CRTAM: variants seen among roughly 807,000 people sequenced by gnomAD.
The protein encoded by CRTAM is cytotoxic and regulatory T cell molecule, also known as cytotoxic and regulatory T-cell molecule.
In CRTAM, 44 loss-of-function variants were observed where a neutral mutation model predicts 50.0. That is an observed-to-expected ratio of 0.88 (90% CI 0.69 to 1.13). CRTAM has a LOEUF of 1.13. Ranked by LOEUF, CRTAM falls within the 50% of genes most tolerant of loss-of-function variation. The pLI, the probability that CRTAM is intolerant of heterozygous loss-of-function variation, is 0.00. For missense variants in CRTAM, 448 were observed against 457.5 expected, an observed-to-expected ratio of 0.98 and a Z score of 0.19; for synonymous variants, 159 against 169.3, an observed-to-expected ratio of 0.94 and a Z score of 0.47.
In CRTAM at chr11:122,851,716, C is replaced by A; in HGVS notation, c.217C>A (p.Leu73Ile). 1 of 1,614,134 alleles carries A rather than the reference C, an allele frequency of 6.2e-7. No individual in the cohort carries two copies. The highest frequency in any genetic ancestry group is 8.5e-7 in the Non-Finnish European group (1 of 1,179,988). Residue 73 changes from leucine (L) to isoleucine (I), a missense_variant, in exon 3 of 10, where the codon CTT becomes ATT. Physicochemically the swap from Leu to Ile is conservative, Grantham distance 5. Coordinates refer to ENST00000227348, the MANE Select transcript of CRTAM (RefSeq NM_019604.4). The part of the protein sequence containing the change: ...YPALKNSKYQ[L>I]LHHSANQLSI... ...AGCTTTAAAAAATTCCAAATACCAG[C>A]TTCTTCATCACTCGGCCAATCAGCT...
intron 3 of CRTAM, among the ~76,000 whole-genome samples, chr11:122,853,731 T>C (rs1388272216): frequency 6.6e-6 from 1 of 151,604 alleles, no homozygotes; most frequent in East Asian, 2.0e-4. Flanking sequence ...GGCAGGAGAA[T>C]TGCGTGAACC....
intron 5 of CRTAM, among the ~76,000 whole-genome samples, chr11:122,861,633 G>A (rs941265379): frequency 3.3e-5 from 5 of 151,212 alleles, no homozygotes; most frequent in African/African-American, 4.9e-5. Flanking sequence ...TAGAGATGGG[G>A]TTTCACCATG....
In CRTAM at chr11:122,850,136, G is replaced by A. The variant is rs2135235621; in HGVS notation, c.115G>A (p.Val39Ile). Residue 39 changes from valine to isoleucine, a missense_variant, in exon 2 of 10, where the codon GTC (valine) becomes ATC (isoleucine). Transcript: ENST00000227348. ...AGGCCAGACGCTCACTCTAAAGTGT[G>A]TCACTTCTCTGAGGAAGAACTCCTC... ...EEGQTLTLKC[V>I]TSLRKNSSLQ... 3 of 1,613,594 alleles carry A rather than the reference G, an allele frequency of 1.9e-6. No individual in the cohort carries two copies. The highest frequency in any genetic ancestry group is 2.5e-6 in the Non-Finnish European group (3 of 1,179,654).
intron 5 of CRTAM, among the ~76,000 whole-genome samples, chr11:122,861,824 A>C (rs569814510): frequency 2.6e-5 from 4 of 152,204 alleles, no homozygotes; most frequent in South Asian, 4.1e-4. Context: ...CTGTTCAATG[A>C]CTGGTAAAAC....
Position 122,857,895 on chromosome 11 carries a change from GCTAT to G in CRTAM, c.652+2042_652+2045del, listed in dbSNP as rs1283757301. The stretch of plus-strand genomic sequence containing the variant: ...GCAACAGGAATTGATTTTTGAATAG[GCTAT>G]CTTTGTTTTTATGTTTTGTTTTGTT... On this transcript the variant is annotated intron_variant, in intron 5 of 9. Coordinates refer to ENST00000227348, the MANE Select transcript of CRTAM (RefSeq NM_019604.4). Among the ~76,000 whole-genome samples, 11 of 152,150 alleles carry G rather than the reference GCTAT, an allele frequency of 7.2e-5. No homozygotes were observed. In the South Asian group the frequency reaches 1.7e-3, roughly 23 times the overall value.
At chr11:122,851,347 C>T (rs1861926500) in intron 2 of CRTAM, among the ~76,000 whole-genome samples, 1 of 151,618 alleles carries the variant, frequency 6.6e-6, no homozygotes, top group Non-Finnish European at 1.5e-5. Flanking sequence ...TTATTTCAAG[C>T]TAAATCAACT....
chr11:122,851,637 G>T, intron 2 of CRTAM, 56 bp from the exon 3 acceptor site: 10 of 1,556,634 alleles, frequency 6.4e-6, no homozygotes, highest in Non-Finnish European at 8.8e-6. Context: ...CTGGGTAGAG[G>T]CCAACGATTC....
At chr11:122,851,989 A>C in intron 3 of CRTAM, 144 bp downstream of exon 3, 1 of 695,920 alleles carries the variant, frequency 1.4e-6, no homozygotes, top group Non-Finnish European at 2.4e-6. Context: ...TATTGAAAGG[A>C]AACAGAAGAG....
chr11:122,870,230 A>G (rs1862236416), intron 9 of CRTAM, among the ~76,000 whole-genome samples: 2 of 152,128 alleles, frequency 1.3e-5, no homozygotes, highest in Non-Finnish European at 2.9e-5. Context: ...ACAGGCACGC[A>G]CCACCACGCC....
chr11:122,864,766 C>T (rs772511046), intron 7 of CRTAM, 47 bp downstream of exon 7: 1 of 1,351,490 alleles, frequency 7.4e-7, no homozygotes, highest in Non-Finnish European at 1.1e-6. Flanking sequence ...ACATTTTAAC[C>T]TCTTAATCGA....
intron 6 of CRTAM, among the ~76,000 whole-genome samples, chr11:122,863,343 AAG>A (rs1491007822): frequency 2.5e-4 from 19 of 76,848 alleles, no homozygotes; most frequent in African/African-American, 5.5e-4. Context: ...GAAAGAAAGA[AAG>A]AAAGAAAAAG....
chr11:122,856,997 C>G lies in CRTAM; in HGVS notation c.652+1141C>G, dbSNP rs546531172. 1.6e-3 allele frequency among the ~76,000 whole-genome samples: 239 copies of G among 151,704 alleles called. 1 individual carries two copies. Among genetic ancestry groups the G allele is most frequent in the African/African-American group, 5.0e-3 (208 of 41,352 alleles). On this transcript the variant is annotated intron_variant, in intron 5 of 9. Coordinates refer to ENST00000227348, the MANE Select transcript of CRTAM (RefSeq NM_019604.4). ...GGGATGAGCCTGTATCTAAAAGCTT[C>G]CTAAAGACATTCAGGTTCTTCAATA...
intron 6 of CRTAM, among the ~76,000 whole-genome samples, chr11:122,864,213 T>G (rs1862138541): frequency 6.6e-6 from 1 of 152,204 alleles, no homozygotes; most frequent in Non-Finnish European, 1.5e-5. Context: ...TTCTCCCTAA[T>G]AGGCCTGATT....
rs976339645 is a variant in CRTAM at position 122,845,843 on chromosome 11, G to A, written c.47-4225G>A. Among the ~76,000 whole-genome samples the A allele has an allele frequency of 2.6e-5, 4 of 152,082 alleles. No homozygotes were observed. In the South Asian group the frequency reaches 8.3e-4, roughly 32 times the overall value. On this transcript the variant is annotated intron_variant, in intron 1 of 9. Coordinates refer to ENST00000227348, the MANE Select transcript of CRTAM (RefSeq NM_019604.4). ...ATAGTATATATTTGTGTGCTGATGA[G>A]AATGACAGTTTTTTTTCTTAATTTT...
At position 122,851,761 on chromosome 11, in the gene CRTAM, G is replaced by A. The variant is rs145794813; in HGVS notation, c.262G>A (p.Val88Ile). 449 of 1,613,968 alleles carry A rather than the reference G, an allele frequency of 2.8e-4. 2 individuals carry two copies. In the African/African-American group the frequency reaches 5.4e-3, roughly 20 times the overall value. The change falls in exon 3 of 10, where the codon GTA (valine) becomes ATA (isoleucine). Residue 88 changes from valine (V) to isoleucine (I), a missense_variant. Physicochemically the swap from Val to Ile is conservative, Grantham distance 29. Coordinates refer to ENST00000227348, the MANE Select transcript of CRTAM (RefSeq NM_019604.4). ...TCAGCTCTCCATCACTGTGCCTAAC[G>A]TAACCCTGCAAGATGAAGGCGTGTA... The part of the protein sequence containing the change: ...ANQLSITVPN[V>I]TLQDEGVYKC...
intron 1 of CRTAM, among the ~76,000 whole-genome samples, chr11:122,847,918 T>C (rs565734386): frequency 1.3e-5 from 2 of 152,376 alleles, no homozygotes; most frequent in African/African-American, 4.8e-5. Context: ...TAGAATGTCT[T>C]CTGGAAGTCT....
At chr11:122,860,913 T>C (rs1862063249) in intron 5 of CRTAM, among the ~76,000 whole-genome samples, 1 of 152,120 alleles carries the variant, frequency 6.6e-6, no homozygotes, top group Non-Finnish European at 1.5e-5. Flanking sequence ...CCTAGGCTGG[T>C]CTCAAACTCC....
intron 1 of CRTAM, among the ~76,000 whole-genome samples, chr11:122,844,839 C>T (rs1417338296): frequency 3.3e-5 from 5 of 152,184 alleles, no homozygotes; most frequent in Admixed American, 6.5e-5. Flanking sequence ...CTTTGATGCC[C>T]TCATCTGTGA....
chr11:122,850,134 G>A lies in CRTAM; in HGVS notation c.113G>A (p.Cys38Tyr), dbSNP rs375739827. 7 of 1,613,524 alleles carry A rather than the reference G, an allele frequency of 4.3e-6. No homozygotes were observed. The African/African-American group carries it at 8.0e-5, about 18-fold the overall frequency. The change falls in exon 2 of 10, where the codon TGT (cysteine) becomes TAT (tyrosine). Residue 38 changes from cysteine to tyrosine, a missense_variant. Physicochemically the swap from Cys to Tyr is radical, Grantham distance 194. Transcript: ENST00000227348. ...GAAGGCCAGACGCTCACTCTAAAGT[G>A]TGTCACTTCTCTGAGGAAGAACTCC... The part of the protein sequence containing the change: ...VEEGQTLTLK[C>Y]VTSLRKNSSL...
Sources: gnomAD v4.1 joint callset for allele counts (sites outside exome capture counted in the v4.1 genomes callset) on GRCh38, gnomAD v4.1.1 for gene constraint, MANE v1.5 for transcripts, NCBI Gene and HGNC (gene_info 2026-07-23, HGNC 2026-07-21) for gene names.